Variants in SNCAIP observed in about 807,000 individuals in gnomAD.
SNCAIP encodes synuclein alpha interacting protein.
A neutral mutation model predicts 86.7 loss-of-function variants in SNCAIP; 43 were observed. The ratio of observed to expected loss-of-function variants is 0.50; its 90% CI spans 0.39 to 0.64. SNCAIP has a LOEUF of 0.64. Among genes scored for constraint, SNCAIP ranks in the 30% least tolerant of loss-of-function variants. The pLI is 0.00. For synonymous variants in SNCAIP, 417 were observed against 427.2 expected (o/e 0.98, Z 0.29); for missense variants, 981 against 1,103.1 (o/e 0.89, Z 1.57).
Position 122,423,022 on chromosome 5 carries a change from T to C in SNCAIP, c.285T>C (p.Asp95=), listed in dbSNP as rs747326484. ...QPETLENNES[D]DQKNQKVVEY... is the part of the protein sequence containing the mutation. ...AGACTCTGGAGAACAATGAAAGTGA[T>C]GACCAAAAGAACCAGAAAGTGGTTG... is the stretch of plus-strand genomic sequence containing the variant. Residue 95 remains aspartate, a synonymous_variant, in exon 4 of 11, where the codon GAT becomes GAC. Coordinates refer to ENST00000261368, the MANE Select transcript of SNCAIP (RefSeq NM_005460.4). 1.9e-6 allele frequency: 3 copies of C among 1,613,984 alleles called. No individual in the cohort carries two copies. Among genetic ancestry groups the C allele is most frequent in the South Asian group, 1.1e-5 (1 of 91,092 alleles).
chr5:122,332,479 A>G (rs561410832), intron 1 of SNCAIP, among the ~76,000 whole-genome samples: 1 of 152,244 alleles, frequency 6.6e-6, no homozygotes, highest in African/African-American at 2.4e-5. Flanking sequence ...ATACAGGTGA[A>G]GGCGGGCATA....
intron 1 of SNCAIP, among the ~76,000 whole-genome samples, chr5:122,322,984 A>C (rs1753288023): frequency 6.6e-6 from 1 of 152,170 alleles, no homozygotes; most frequent in African/African-American, 2.4e-5. Flanking sequence ...TGTAATTGAA[A>C]ACCTATAAAA....
chr5:122,421,133 C>T (rs1301774933), intron 3 of SNCAIP, among the ~76,000 whole-genome samples: 1 of 152,214 alleles, frequency 6.6e-6, no homozygotes, highest in Non-Finnish European at 1.5e-5. Context: ...ATCTAGATAC[C>T]TTCCTTCCCT....
intron 3 of SNCAIP, 75 bp downstream of exon 3, chr5:122,403,940 C>A: frequency 9.3e-7 from 1 of 1,071,002 alleles, no homozygotes; most frequent in Non-Finnish European, 1.5e-6. Context: ...TTTTTCCTCA[C>A]ACTGGTCCCC....
intron 3 of SNCAIP, among the ~76,000 whole-genome samples, chr5:122,417,035 T>G (rs1424974142): frequency 6.6e-6 from 1 of 152,206 alleles, no homozygotes; most frequent in African/African-American, 2.4e-5. Flanking sequence ...ATACCGCTTT[T>G]CTTTCTATTC....
intron 1 of SNCAIP, among the ~76,000 whole-genome samples, chr5:122,361,192 A>T (rs868650749): frequency 6.6e-6 from 1 of 151,524 alleles, no homozygotes; most frequent in African/African-American, 2.4e-5. Context: ...AAAAAAAAAA[A>T]AGTCTTTGGG....
intron 1 of SNCAIP, among the ~76,000 whole-genome samples, chr5:122,349,328 G>A (rs1319646693): frequency 6.6e-6 from 1 of 152,144 alleles, no homozygotes; most frequent in Non-Finnish European, 1.5e-5. Flanking sequence ...AGAGAGGTAG[G>A]AGGTAGAGCT....
At chr5:122,399,151 A>G (rs1447473394) in intron 2 of SNCAIP, among the ~76,000 whole-genome samples, 2 of 152,246 alleles carry the variant, frequency 1.3e-5, no homozygotes, top group East Asian at 3.9e-4. Context: ...TCATGTCTTC[A>G]TCTGCTGAGC....
chr5:122,358,679 C>T (rs1053195695), intron 1 of SNCAIP, among the ~76,000 whole-genome samples: 10 of 151,920 alleles, frequency 6.6e-5, no homozygotes, highest in South Asian at 4.2e-4. Flanking sequence ...TTGTTATTGG[C>T]GCTATTTTCC....
chr5:122,420,586 T>TATA (rs1554105461), intron 3 of SNCAIP, among the ~76,000 whole-genome samples: 2,491 of 138,016 alleles, frequency 0.018, 77 homozygotes, highest in African/African-American at 0.061. Flanking sequence ...TATATATATA[T>TATA]TTTTTTTTCC....
chr5:122,376,512 C>T (rs1765363223), intron 1 of SNCAIP, among the ~76,000 whole-genome samples: 1 of 152,104 alleles, frequency 6.6e-6, no homozygotes, highest in Non-Finnish European at 1.5e-5. Flanking sequence ...TGCTCAACTT[C>T]CCAGTGCTTG....
rs1010368948 is a variant in SNCAIP at position 122,364,763 on chromosome 5, A to T, written c.-46-26326A>T. ...TTTTTTTTATATTTCAATAAATTTT[A>T]AAAATGTAGACAGAACAATGCAGGA... On this transcript the variant is annotated intron_variant, in intron 1 of 10. Coordinates refer to ENST00000261368, the MANE Select transcript of SNCAIP (RefSeq NM_005460.4). 3.9e-5 allele frequency among the ~76,000 whole-genome samples: 6 copies of T among 152,166 alleles called. No individual in the cohort carries two copies. In the East Asian group the frequency reaches 7.7e-4, roughly 20 times the overall value.
intron 8 of SNCAIP, among the ~76,000 whole-genome samples, chr5:122,448,643 T>G (rs1195784468): frequency 3.0e-5 from 4 of 133,860 alleles, no homozygotes; most frequent in Non-Finnish European, 6.3e-5. Context: ...TTATATGTTA[T>G]ATATATTTTT....
intron 1 of SNCAIP, among the ~76,000 whole-genome samples, chr5:122,333,087 G>C (rs998564985): frequency 1.3e-5 from 2 of 152,190 alleles, no homozygotes; most frequent in Non-Finnish European, 2.9e-5. Context: ...TACAGAAAGA[G>C]GTTAGCACAA....
intron 10 of SNCAIP, among the ~76,000 whole-genome samples, chr5:122,455,168 T>C (rs1041272152): frequency 3.9e-5 from 6 of 152,226 alleles, no homozygotes; most frequent in African/African-American, 1.4e-4. Context: ...ATTTGGCATG[T>C]GTTTCCATAG....
Position 122,423,151 on chromosome 5 carries a change from A to T in SNCAIP, c.414A>T (p.Thr138=). The T allele has an allele frequency of 1.2e-6, 2 of 1,614,100 alleles. No homozygotes were observed. The highest frequency in any genetic ancestry group is 1.7e-6 in the Non-Finnish European group (2 of 1,179,948). Reference sequence around the variant, plus strand: ...CAGGTAAGAGCTCTGAGCCCAGCACATCGCTGGGTGAACTGGAGCACTACG... The same window carrying T: ...CAGGTAAGAGCTCTGAGCCCAGCACTTCGCTGGGTGAACTGGAGCACTACG... ...GPPGKSSEPS[T]SLGELEHYDL... The change falls in exon 4 of 11, where the codon ACA becomes ACT. Residue 138 remains threonine (T), a synonymous_variant. Transcript: ENST00000261368.
chr5:122,331,673 CCT>C (rs1262717680), intron 1 of SNCAIP, among the ~76,000 whole-genome samples: 4 of 152,184 alleles, frequency 2.6e-5, no homozygotes, highest in Admixed American at 2.6e-4. Context: ...GTAGCTGCTG[CCT>C]TCTTCTGTGT....
intron 4 of SNCAIP, among the ~76,000 whole-genome samples, chr5:122,424,927 T>A (rs1777071286): frequency 6.6e-6 from 1 of 152,184 alleles, no homozygotes; most frequent in South Asian, 2.1e-4. Flanking sequence ...GCCAGTTCTC[T>A]ACAATTCAAG....
chr5:122,373,255 A>G (rs1764621258), intron 1 of SNCAIP, among the ~76,000 whole-genome samples: 1 of 152,170 alleles, frequency 6.6e-6, no homozygotes, highest in Admixed American at 6.6e-5. Context: ...CTTTCTCATC[A>G]TAATCAAGTC....
Sources: allele counts gnomAD v4.1 joint callset (sites outside exome capture counted in the v4.1 genomes callset), GRCh38; gene constraint gnomAD v4.1.1; transcripts MANE v1.5; gene names NCBI Gene and HGNC (gene_info 2026-07-23, HGNC 2026-07-21).